The following SPON2 variants were observed in gnomAD, a reference collection of about 807,000 sequenced individuals.
SPON2 encodes the protein spondin-2.
SPON2 carries 32 observed loss-of-function variants against 29.9 expected under a neutral mutation model. That is an observed-to-expected ratio of 1.07 (90% CI 0.81 to 1.44). The LOEUF (loss-of-function observed/expected upper bound fraction) is 1.44. SPON2 is among the 40% of genes most tolerant of loss of function. The pLI is 0.00. For synonymous variants in SPON2, 248 were observed against 209.1 expected, an observed-to-expected ratio of 1.19 and a Z score of -1.61; for missense variants, 541 against 455.5, an observed-to-expected ratio of 1.19 and a Z score of -1.71.
At position 1,191,090 on chromosome 4, in the gene SPON2, T is replaced by C. The variant is rs545514658; in HGVS notation, c.-239+3900A>G. Among the ~76,000 whole-genome samples the C allele has an allele frequency of 4.6e-4, 70 of 152,044 alleles. 1 individual carries two copies. In the South Asian group the frequency reaches 5.4e-3, roughly 12 times the overall value. ...CTAACTGCTTTTTTTTTCTTTTTTT[T>C]TTTTTGCAGAAATGGAAAGTCTGAT... On this transcript the variant is annotated intron_variant, in intron 1 of 3. Transcript: ENST00000502483.
chr4:1,201,805 G>T (rs964670962), intron 1 of SPON2, among the ~76,000 whole-genome samples: 2 of 151,980 alleles, frequency 1.3e-5, no homozygotes, highest in African/African-American at 2.4e-5. Flanking sequence ...GGATGGTCTC[G>T]ATCTCCTGAC....
chr4:1,172,162 T>C, intron 1 of SPON2, 88 bp from the exon 2 acceptor site: 1 of 1,195,498 alleles, frequency 8.4e-7, no homozygotes, highest in Non-Finnish European at 1.2e-6. Flanking sequence ...CACTTTGGGC[T>C]CTGAGGACGG....
chr4:1,203,377 C>T (rs1270161527), intron 1 of SPON2, among the ~76,000 whole-genome samples: 2 of 152,186 alleles, frequency 1.3e-5, no homozygotes, highest in Non-Finnish European at 2.9e-5. Flanking sequence ...CTGCGTCTGA[C>T]CTCCTTCACT....
At chr4:1,204,135 G>A (rs1728282040) in intron 1 of SPON2, among the ~76,000 whole-genome samples, 1 of 152,178 alleles carries the variant, frequency 6.6e-6, no homozygotes, top group African/African-American at 2.4e-5. Context: ...GCCTCCCAAA[G>A]TGCTGGGATT....
intron 1 of SPON2, among the ~76,000 whole-genome samples, chr4:1,192,398 T>A (rs1727930799): frequency 6.6e-6 from 1 of 152,250 alleles, no homozygotes. Context: ...ATGCTTTAAA[T>A]TTCACATTTT....
At chr4:1,175,233 G>A (rs932396820), upstream of SPON2, among the ~76,000 whole-genome samples, 6 of 152,250 alleles carry the variant, frequency 3.9e-5, no homozygotes, top group Non-Finnish European at 7.3e-5. Flanking sequence ...AGGAGGCGCC[G>A]GGTCTGGGGC....
chr4:1,200,498 G>A lies in SPON2; in HGVS notation c.-234+7382C>T. On this transcript the variant is annotated intron_variant, in intron 1 of 3. Coordinates refer to the SPON2 transcript ENST00000509233. ...GCAGGGGAGGCTCAGCGGGGGCGGG[G>A]GCGGGCTCAGCCTCTGCGCTTCTGC... The A allele has an allele frequency of 6.8e-6, 2 of 293,244 alleles. 1 individual carries two copies. The highest frequency in any genetic ancestry group is 6.2e-5 in the South Asian group (2 of 32,264). The allele number at this position is 293,244 out of a possible 1,614,324, so 18.2% of individuals were successfully genotyped here. A position where few individuals can be genotyped will look rare whatever the true frequency, so the allele number is the denominator to read the frequency against.
upstream of SPON2, among the ~76,000 whole-genome samples, chr4:1,197,462 A>T (rs1728094366): frequency 6.6e-6 from 1 of 152,202 alleles, no homozygotes; most frequent in South Asian, 2.1e-4. Context: ...CTCTCTGAAA[A>T]GCCGAGAAGC....
At chr4:1,170,951 C>T (rs1727415236) in intron 4 of SPON2, 48 bp downstream of exon 4, 4 of 1,545,286 alleles carry the variant, frequency 2.6e-6, no homozygotes. Flanking sequence ...GCCCCGTCCC[C>T]ACCGCGGGGG....
intron 1 of SPON2, among the ~76,000 whole-genome samples, chr4:1,185,982 C>T (rs746127726): frequency 4.9e-4 from 75 of 151,806 alleles, no homozygotes; most frequent in African/African-American, 1.0e-3. Context: ...TGGTGGCTCA[C>T]GCCTGTAATC....
chr4:1,190,308 C>A (rs1468640458), intron 1 of SPON2, among the ~76,000 whole-genome samples: 15 of 148,454 alleles, frequency 1.0e-4, no homozygotes, highest in Non-Finnish European at 1.8e-4. Context: ...CAAAAAAAAA[C>A]AAACTTCCCA....
chr4:1,197,724 C>A (rs2108676697), upstream of SPON2, among the ~76,000 whole-genome samples: 1 of 152,184 alleles, frequency 6.6e-6, no homozygotes, highest in East Asian at 1.9e-4. Flanking sequence ...AAAATAAAAT[C>A]CCCTTGCCCA....
At chr4:1,181,540 C>A in intron 1 of SPON2, among the ~76,000 whole-genome samples, 1 of 152,192 alleles carries the variant, frequency 6.6e-6, no homozygotes, top group Non-Finnish European at 1.5e-5. Context: ...TTTCCCTACC[C>A]AGACAACAAT....
chr4:1,171,925 G>T lies in SPON2; in HGVS notation c.147C>A (p.Gly49=). The T allele has an allele frequency of 6.2e-7, 1 of 1,612,920 alleles. No individual in the cohort carries two copies. The highest frequency in any genetic ancestry group is 8.5e-7 in the Non-Finnish European group (1 of 1,179,842). The change falls in exon 2 of 6, where the codon GGC becomes GGA. Residue 49 remains glycine, a synonymous_variant. Coordinates refer to ENST00000290902, the MANE Select transcript of SPON2 (RefSeq NM_012445.4). Reference sequence around the variant, plus strand: ...TGGGGAAGGCCGTCTGGCTCCACTTGCCCGTGAAGGTGATGCTGTATTTGG... The same window carrying T: ...TGGGGAAGGCCGTCTGGCTCCACTTTCCCGTGAAGGTGATGCTGTATTTGG... ...ALAKYSITFT[G]KWSQTAFPKQ... is the part of the protein sequence containing the mutation.
chr4:1,175,892 G>A (rs912014875), upstream of SPON2, among the ~76,000 whole-genome samples: 4 of 152,130 alleles, frequency 2.6e-5, no homozygotes, highest in Non-Finnish European at 5.9e-5. Flanking sequence ...GAGGGGGCTT[G>A]TTTGGAGGGC....
chr4:1,206,492 G>A (rs974075545), intron 1 of SPON2, among the ~76,000 whole-genome samples: 1 of 152,246 alleles, frequency 6.6e-6, no homozygotes, highest in African/African-American at 2.4e-5. Context: ...TGGAGGGCCC[G>A]GGGCAGGGAC....
intron 1 of SPON2, among the ~76,000 whole-genome samples, chr4:1,192,423 A>C (rs1393389264): frequency 1.3e-5 from 2 of 152,224 alleles, no homozygotes; most frequent in Non-Finnish European, 2.9e-5. Context: ...TTCCCAATAG[A>C]GTTTCCTACT....
upstream of SPON2, among the ~76,000 whole-genome samples, chr4:1,198,513 T>C (rs1042555879): frequency 6.6e-6 from 1 of 151,960 alleles, no homozygotes. Flanking sequence ...TAGACAAATA[T>C]CACTTTTCGC....
rs574236761 is a variant in SPON2, at chr4:1,191,956, G to A, written c.-239+3034C>T. On this transcript the variant is annotated intron_variant, in intron 1 of 3. Coordinates refer to the SPON2 transcript ENST00000502483. Reference sequence around the variant, plus strand: ...TCAGGCCACACCCAGGCTGGTGGCCGCAGACCACTTGGGTCCCTGTTTCCA... The same window carrying A: ...TCAGGCCACACCCAGGCTGGTGGCCACAGACCACTTGGGTCCCTGTTTCCA... Among the ~76,000 whole-genome samples the A allele has an allele frequency of 5.3e-5, 8 of 152,326 alleles. No homozygotes were observed. In the South Asian group the frequency reaches 8.3e-4, roughly 16 times the overall value.
Sources: gnomAD v4.1 joint callset for allele counts (sites outside exome capture counted in the v4.1 genomes callset) on GRCh38, gnomAD v4.1.1 for gene constraint, MANE v1.5 for transcripts, NCBI Gene and HGNC (gene_info 2026-07-23, HGNC 2026-07-21) for gene names.